Variants in TBXAS1 observed in about 807,000 individuals in gnomAD.
TBXAS1 encodes thromboxane-A synthase.
TBXAS1 carries 48 observed loss-of-function variants against 60.7 expected under a neutral mutation model. The observed-to-expected ratio is 0.79, with a 90% CI of 0.63 to 1.01. TBXAS1 has a LOEUF of 1.01. Ranked by LOEUF, TBXAS1 falls within the 50% of genes least tolerant of loss-of-function variation. TBXAS1 has a pLI of 0.00. For missense variants in TBXAS1, 685 were observed against 686.3 expected, an observed-to-expected ratio of 1.00 and a Z score of 0.02; for synonymous variants, 287 against 269.7, an observed-to-expected ratio of 1.06 and a Z score of -0.63.
chr7:139,942,216 G>A (rs1358999667), intron 5 of TBXAS1, among the ~76,000 whole-genome samples: 2 of 152,178 alleles, frequency 1.3e-5, no homozygotes, highest in African/African-American at 4.8e-5. Context: ...GGACCGAAAA[G>A]GCCCCATAGT....
At chr7:139,902,117 G>A (rs1278320593) in intron 3 of TBXAS1, among the ~76,000 whole-genome samples, 1 of 151,558 alleles carries the variant, frequency 6.6e-6, no homozygotes, top group Non-Finnish European at 1.5e-5. Context: ...ATTTTTTCCA[G>A]GTTTATATGC....
At chr7:139,872,719 A>G (rs1395574296) in intron 2 of TBXAS1, among the ~76,000 whole-genome samples, 1 of 152,220 alleles carries the variant, frequency 6.6e-6, no homozygotes, top group Non-Finnish European at 1.5e-5. Context: ...GGCTTTCTGC[A>G]TGAAACATTG....
chr7:139,808,033 A>G (rs544181082), intron 4 of TBXAS1, among the ~76,000 whole-genome samples: 3 of 152,038 alleles, frequency 2.0e-5, no homozygotes, highest in Non-Finnish European at 4.4e-5. Context: ...GATACAATAG[A>G]CCTAAAACAA....
intron 1 of TBXAS1, among the ~76,000 whole-genome samples, chr7:139,857,661 A>C (rs1318625174): frequency 6.6e-6 from 1 of 151,954 alleles, no homozygotes; most frequent in Non-Finnish European, 1.5e-5. Context: ...TCACTGGGAC[A>C]GAAGGGCAAG....
chr7:139,843,971 T>C (rs554019758), intron 1 of TBXAS1, among the ~76,000 whole-genome samples: 2 of 152,364 alleles, frequency 1.3e-5, no homozygotes, highest in East Asian at 3.9e-4. Context: ...AAATCTTGAT[T>C]CATGCAATCG....
intron 3 of TBXAS1, among the ~76,000 whole-genome samples, chr7:139,887,557 A>C (rs183479512): frequency 6.6e-6 from 1 of 152,364 alleles, no homozygotes; most frequent in East Asian, 1.9e-4. Context: ...TATTTCACTT[A>C]ATATAATATC....
intron 1 of TBXAS1, among the ~76,000 whole-genome samples, chr7:139,839,514 C>T (rs1383707898): frequency 1.3e-5 from 2 of 151,926 alleles, no homozygotes; most frequent in African/African-American, 2.4e-5. Context: ...GGTACCAAGA[C>T]CCAGAGGTAC....
intron 4 of TBXAS1, among the ~76,000 whole-genome samples, chr7:139,920,225 A>AG (rs1806346779): frequency 6.6e-6 from 1 of 152,210 alleles, no homozygotes; most frequent in African/African-American, 2.4e-5. Flanking sequence ...AAAGACAACG[A>AG]GGGGTCCCTC....
intron 1 of TBXAS1, among the ~76,000 whole-genome samples, chr7:139,845,734 G>T (rs1799752060): frequency 6.6e-6 from 1 of 151,988 alleles, no homozygotes. Flanking sequence ...TCATCATAGA[G>T]AATTTCCATT....
chr7:140,009,917 CCCA>C (rs1209129941), intron 10 of TBXAS1, among the ~76,000 whole-genome samples: 1 of 66,386 alleles, frequency 1.5e-5, no homozygotes, highest in African/African-American at 7.4e-5. Flanking sequence ...TCACACCTGC[CCCA>C]CACCTGCCCC....
chr7:139,841,304 G>GTCTTTT (rs1799433139), intron 1 of TBXAS1, among the ~76,000 whole-genome samples: 1 of 152,144 alleles, frequency 6.6e-6, no homozygotes, highest in African/African-American at 2.4e-5. Flanking sequence ...GCAGAGGAGA[G>GTCTTTT]GAAAGAGAAA....
rs1400812131 is a variant in TBXAS1 at position 139,955,614 on chromosome 7, G to C, written c.688+7G>C. ...CCTATCCTGGTTTTACTCTGTAAGTGCGGCTGCAGCCCGGGGCGCTGCGAT... is the reference window on the plus strand; with the variant it reads ...CCTATCCTGGTTTTACTCTGTAAGTCCGGCTGCAGCCCGGGGCGCTGCGAT... On this transcript the variant is annotated splice_region_variant and intron_variant, in intron 7 of 12. Coordinates refer to ENST00000448866, the MANE Select transcript of TBXAS1 (RefSeq NM_001061.7). 1.9e-6 allele frequency: 3 copies of C among 1,613,950 alleles called. No homozygotes were observed.
intron 4 of TBXAS1, among the ~76,000 whole-genome samples, chr7:139,933,980 A>G (rs562881356): frequency 1.3e-5 from 2 of 152,280 alleles, no homozygotes; most frequent in Admixed American, 6.5e-5. Flanking sequence ...AGGAGACCAA[A>G]GTCCTCACCT....
rs558342353 is a variant in TBXAS1, at chr7:139,972,029, A to T, written c.1134+9796A>T. On this transcript the variant is annotated intron_variant, in intron 9 of 12. Coordinates refer to ENST00000448866, the MANE Select transcript of TBXAS1 (RefSeq NM_001061.7). ...CCCACATGCCTGCAATGGGGGTGGC[A>T]CAGGGGAGGCAGGGTGAAGAGCAGG... Among the ~76,000 whole-genome samples the T allele has an allele frequency of 1.1e-4, 17 of 152,272 alleles. No individual in the cohort carries two copies. In the East Asian group the frequency reaches 3.1e-3, roughly 28 times the overall value.
At chr7:139,870,053 T>C (rs1436881291) in intron 1 of TBXAS1, among the ~76,000 whole-genome samples, 1 of 152,224 alleles carries the variant, frequency 6.6e-6, no homozygotes. Context: ...CAGCTGAAGA[T>C]GCTCAAGTTC....
At chr7:139,985,974 T>A (rs1411198475) in intron 9 of TBXAS1, among the ~76,000 whole-genome samples, 1 of 152,248 alleles carries the variant, frequency 6.6e-6, no homozygotes, top group Non-Finnish European at 1.5e-5. Flanking sequence ...GGGCCTGGTC[T>A]CCAGGTGTGG....
intron 3 of TBXAS1, among the ~76,000 whole-genome samples, chr7:139,895,455 C>T (rs1015132803): frequency 2.0e-5 from 3 of 152,188 alleles, no homozygotes; most frequent in Non-Finnish European, 2.9e-5. Context: ...AGAAAGCTGT[C>T]AGTCATCCCC....
At chr7:139,859,847 C>T (rs922168267) in intron 1 of TBXAS1, among the ~76,000 whole-genome samples, 1 of 152,046 alleles carries the variant, frequency 6.6e-6, no homozygotes, top group Admixed American at 6.6e-5. Flanking sequence ...CTTTATAAAA[C>T]GTTATCTTTG....
chr7:139,875,839 G>T, intron 3 of TBXAS1: 1 of 654,058 alleles, frequency 1.5e-6, no homozygotes. Context: ...TTGCCCACGG[G>T]GGGACTCTGC....
Sources: allele counts gnomAD v4.1 joint callset (sites outside exome capture counted in the v4.1 genomes callset), GRCh38; gene constraint gnomAD v4.1.1; transcripts MANE v1.5; gene names NCBI Gene and HGNC (gene_info 2026-07-23, HGNC 2026-07-21).